Variants in PCDHA1 observed in about 807,000 individuals in gnomAD.
The protein encoded by PCDHA1 is protocadherin alpha-1.
PCDHA1 carries 42 observed loss-of-function variants against 61.3 expected under a neutral mutation model. The observed-to-expected ratio is 0.69, with a 90% CI of 0.54 to 0.89. The LOEUF (loss-of-function observed/expected upper bound fraction) is 0.89. Ranked by LOEUF, PCDHA1 falls within the 40% of genes least tolerant of loss-of-function variation. The pLI, the probability that PCDHA1 is intolerant of heterozygous loss-of-function variation, is 0.00. For synonymous variants in PCDHA1, 610 were observed against 553.8 expected (o/e 1.10, Z -1.43); for missense variants, 1,256 against 1,235.3 (o/e 1.02, Z -0.25).
intron 1 of PCDHA1, chr5:140,802,773 G>A: frequency 6.2e-7 from 1 of 1,613,086 alleles, no homozygotes; most frequent in Non-Finnish European, 8.5e-7. Flanking sequence ...GCTGGACCAC[G>A]AGGAGCTAGA....
In PCDHA1 at chr5:140,836,450, A is replaced by G. The variant is rs2150261212; in HGVS notation, c.2394+47766A>G. ...GGGCATCGTTGGGCATTGCAGGCCC[A>G]GAGACCGAGCTGGTGGATGTCAACG... On this transcript the variant is annotated intron_variant, in intron 1 of 3. Transcript: ENST00000504120. 70 of 1,613,750 alleles carry G rather than the reference A, an allele frequency of 4.3e-5. 1 individual carries two copies. The African/African-American group carries it at 8.4e-4, about 19-fold the overall frequency.
rs139717033 is a variant in PCDHA1 at position 140,850,329 on chromosome 5, C to A, written c.2394+61645C>A. ...CAACGCGTGGCTTTCATACGAGCTG[C>A]AGCCAGAAACGGCCAGCGCGAGCAT... On this transcript the variant is annotated intron_variant, in intron 1 of 3. Coordinates refer to ENST00000504120, the MANE Select transcript of PCDHA1 (RefSeq NM_018900.4). 510 of 1,597,650 alleles carry A rather than the reference C, an allele frequency of 3.2e-4. 26 individuals are homozygous for A. The African/African-American group carries it at 6.2e-3, about 19-fold the overall frequency.
intron 1 of PCDHA1, chr5:140,858,182 A>T: frequency 6.3e-7 from 1 of 1,597,504 alleles, no homozygotes. Flanking sequence ...GCTGGTGCTC[A>T]CGCTGCTGCT....
rs1761486345 is a variant in PCDHA1 at position 140,788,667 on chromosome 5, T to C, written c.2377T>C (p.Leu793=). 1.3e-6 allele frequency: 2 copies of C among 1,569,366 alleles called. No homozygotes were observed. The highest frequency in any genetic ancestry group is 1.9e-5 in the Admixed American group (1 of 51,954). ...SERNEQPEAN[L]DLSGNPRQPN... ...AAGAAATGAACAACCAGAAGCAAAT[T>C]TGGATCTTTCTGGTAATGTAAGTCC... Residue 793 remains leucine (L), a synonymous_variant, in exon 1 of 4, where the codon TTG becomes CTG. Coordinates refer to ENST00000504120, the MANE Select transcript of PCDHA1 (RefSeq NM_018900.4).
In PCDHA1 at chr5:140,842,865, G is replaced by C; in HGVS notation, c.2394+54181G>C. ...TACATTTCGGTGCACACGGAGAGCG[G>C]CAAGGTGTACGCGCTGCAGCCGCTG... is the stretch of plus-strand genomic sequence containing the variant. On this transcript the variant is annotated intron_variant, in intron 1 of 3. Transcript: ENST00000504120. 6.3e-6 allele frequency: 10 copies of C among 1,593,986 alleles called. 1 individual carries two copies. Among genetic ancestry groups the C allele is most frequent in the Middle Eastern group, 2.1e-4 (1 of 4,754 alleles).
chr5:141,009,935 T>C lies in PCDHA1; in HGVS notation c.2851T>C (p.Ter951ArgextTer53). The change falls in exon 4 of 4, where the codon TGA (stop) becomes CGA (arginine). Residue 951 changes from the stop codon to arginine, a stop_lost. Coordinates refer to ENST00000504120, the MANE Select transcript of PCDHA1 (RefSeq NM_018900.4). ...CAGCACGACTGACAACAGTGACCAG[T>C]GAGGTCCTCAAATGGAAACAAGCCA... ...GNSTTDNSDQ[*>R] 1.2e-6 allele frequency: 2 copies of C among 1,602,416 alleles called. No homozygotes were observed. The highest frequency in any genetic ancestry group is 1.7e-6 in the Non-Finnish European group (2 of 1,176,054).
At chr5:140,869,179 G>A (rs782530772) in intron 1 of PCDHA1, 12 of 1,613,988 alleles carry the variant, frequency 7.4e-6, no homozygotes, top group Middle Eastern at 1.7e-4. Context: ...ATTCTGGGAG[G>A]TGGGGAGCGG....
chr5:140,807,723 C>G (rs369564705), intron 1 of PCDHA1: 145 of 1,614,074 alleles, frequency 9.0e-5, no homozygotes, highest in Admixed American at 1.2e-4. Flanking sequence ...GAATACTTTT[C>G]TCTGGAAAAA....
intron 3 of PCDHA1, among the ~76,000 whole-genome samples, chr5:140,998,569 G>GT (rs71574497): frequency 0.37 from 55,088 of 149,258 alleles, 10,597 homozygotes; most frequent in African/African-American, 0.48. Flanking sequence ...TTGTAAATAA[G>GT]TTTTTTTTTT....
At chr5:140,822,707 A>G (rs2150118718) in intron 1 of PCDHA1, 2 of 1,610,668 alleles carry the variant, frequency 1.2e-6, no homozygotes, top group South Asian at 1.1e-5. Context: ...GATTATGAAG[A>G]CTATAACTCA....
chr5:141,006,646 A>G (rs1478861419), intron 3 of PCDHA1, among the ~76,000 whole-genome samples: 1 of 152,206 alleles, frequency 6.6e-6, no homozygotes, highest in African/African-American at 2.4e-5. Flanking sequence ...ATAAGAGATG[A>G]TGGTGTCCTG....
intron 1 of PCDHA1, among the ~76,000 whole-genome samples, chr5:140,945,201 T>C (rs1168662297): frequency 2.6e-5 from 4 of 152,054 alleles, no homozygotes; most frequent in Non-Finnish European, 5.9e-5. Flanking sequence ...CTATTTACAA[T>C]AGCTATGAGA....
intron 1 of PCDHA1, among the ~76,000 whole-genome samples, chr5:140,914,309 C>A (rs1461023041): frequency 1.3e-5 from 2 of 152,082 alleles, no homozygotes; most frequent in Non-Finnish European, 2.9e-5. Flanking sequence ...TGAATTGACC[C>A]CATTATCATT....
chr5:140,801,295 A>C lies in PCDHA1; in HGVS notation c.2394+12611A>C, dbSNP rs781856490. On this transcript the variant is annotated intron_variant, in intron 1 of 3. Coordinates refer to ENST00000504120, the MANE Select transcript of PCDHA1 (RefSeq NM_018900.4). ...GAGGTGGGGAGCGGCCAGCTCCACT[A>C]CTCCGTCTCTGAGGAGGCCAAGCAT... 4 of 1,613,202 alleles carry C rather than the reference A, an allele frequency of 2.5e-6. No individual in the cohort carries two copies. In the South Asian group the frequency reaches 4.4e-5, roughly 18 times the overall value.
intron 1 of PCDHA1, among the ~76,000 whole-genome samples, chr5:140,924,551 AT>A (rs2153572839): frequency 6.6e-6 from 1 of 152,240 alleles, no homozygotes; most frequent in African/African-American, 2.4e-5. Context: ...TCTCCCCACC[AT>A]TTTAATCAGC....
At chr5:140,849,947 G>C in intron 1 of PCDHA1, 1 of 1,597,838 alleles carries the variant, frequency 6.3e-7, no homozygotes, top group East Asian at 2.2e-5. Context: ...ACGCTGACGC[G>C]CAGGAGAACG....
At chr5:140,885,064 A>T (rs2060452937) in intron 1 of PCDHA1, among the ~76,000 whole-genome samples, 1 of 152,162 alleles carries the variant, frequency 6.6e-6, no homozygotes, top group Non-Finnish European at 1.5e-5. Context: ...TACCCACAAG[A>T]TATTATTTTA....
At chr5:140,954,214 T>C (rs1186171676) in intron 1 of PCDHA1, among the ~76,000 whole-genome samples, 1 of 152,254 alleles carries the variant, frequency 6.6e-6, no homozygotes, top group African/African-American at 2.4e-5. Flanking sequence ...TCCCATGTTT[T>C]TGCTATTGTG....
intron 1 of PCDHA1, chr5:140,822,462 C>T (rs1325678435): frequency 1.2e-6 from 2 of 1,613,398 alleles, no homozygotes; most frequent in East Asian, 2.2e-5. Flanking sequence ...AGTTGTTGAT[C>T]AATGTATTGG....
Sources: allele counts gnomAD v4.1 joint callset (sites outside exome capture counted in the v4.1 genomes callset), GRCh38; gene constraint gnomAD v4.1.1; transcripts MANE v1.5; gene names NCBI Gene and HGNC (gene_info 2026-07-23, HGNC 2026-07-21).